Variants in SEMA3A observed in about 807,000 individuals in gnomAD.
SEMA3A encodes semaphorin-3A.
Under a neutral mutation model 97.9 loss-of-function variants are expected in SEMA3A, and 29 were observed. The ratio of observed to expected loss-of-function variants is 0.30; its 90% CI spans 0.22 to 0.40. SEMA3A has a LOEUF of 0.40. Among genes scored for constraint, SEMA3A ranks in the 10% least tolerant of loss-of-function variants. The pLI, the probability that SEMA3A is intolerant of heterozygous loss-of-function variation, is 1.00. For missense variants in SEMA3A, 763 were observed against 951.3 expected (o/e 0.80, Z 2.60); for synonymous variants, 321 against 323.7 (o/e 0.99, Z 0.09).
At chr7:84,113,237 G>C (rs1229982851) in intron 3 of SEMA3A, among the ~76,000 whole-genome samples, 1 of 152,196 alleles carries the variant, frequency 6.6e-6, no homozygotes, top group Non-Finnish European at 1.5e-5. Flanking sequence ...AAAAGAACTG[G>C]ACAGAGAAGA....
intron 4 of SEMA3A, among the ~76,000 whole-genome samples, chr7:84,078,240 T>C (rs951895192): frequency 6.6e-6 from 1 of 152,060 alleles, no homozygotes; most frequent in Non-Finnish European, 1.5e-5. Flanking sequence ...ATGGAGTGAA[T>C]CTAGCCCAGA....
At chr7:83,981,241 AT>A in intron 14 of SEMA3A, 79 bp downstream of exon 14, 1 of 1,488,614 alleles carries the variant, frequency 6.7e-7, no homozygotes, top group Non-Finnish European at 9.2e-7. Flanking sequence ...TGATGCACTT[AT>A]TTGAAGAAAG....
chr7:84,046,330 G>A lies in SEMA3A; in HGVS notation c.661C>T (p.Leu221Phe). Reference sequence around the variant, plus strand: ...TCTTTCATAAACCACCTACCATTGAGCCACCTGGAATCATGCTGCTCTGTC... The same window carrying A: ...TCTTTCATAAACCACCTACCATTGAACCACCTGGAATCATGCTGCTCTGTC... ...IRTEQHDSRW[L>F]NDPKFISAHL... The change falls in exon 6 of 17, where the codon CTC becomes TTC. Residue 221 changes from leucine to phenylalanine, a missense_variant. Leu to Phe is a conservative substitution (Grantham distance 22, BLOSUM62 0). This residue lies in a region of SEMA3A where 678 missense variants were observed against 881.3 expected (regional missense o/e 0.77). Coordinates refer to ENST00000265362, the MANE Select transcript of SEMA3A (RefSeq NM_006080.3). 6.2e-7 allele frequency: 1 copy of A among 1,612,830 alleles called. No homozygotes were observed. Among genetic ancestry groups the A allele is most frequent in the South Asian group, 1.1e-5 (1 of 91,022 alleles).
chr7:84,001,814 G>A (rs1039195409), intron 12 of SEMA3A, 141 bp downstream of exon 12: 1 of 453,932 alleles, frequency 2.2e-6, no homozygotes, highest in African/African-American at 2.0e-5. Flanking sequence ...ATTTTGACTA[G>A]TGTCTGGCTT....
chr7:84,030,784 T>C (rs926965852), intron 6 of SEMA3A, among the ~76,000 whole-genome samples: 3 of 152,162 alleles, frequency 2.0e-5, no homozygotes, highest in African/African-American at 4.8e-5. Flanking sequence ...CTTCTTCTCC[T>C]AGCTAACATA....
At chr7:84,362,817 A>G (rs1266997939) in intron 2 of SEMA3A, among the ~76,000 whole-genome samples, 6 of 152,020 alleles carry the variant, frequency 3.9e-5, no homozygotes, top group Non-Finnish European at 7.4e-5. Context: ...TAATAAACAC[A>G]AAGTAATTGT....
intron 1 of SEMA3A, among the ~76,000 whole-genome samples, chr7:84,151,517 A>C (rs1796670793): frequency 1.3e-5 from 2 of 151,996 alleles, no homozygotes; most frequent in Non-Finnish European, 2.9e-5. Flanking sequence ...GAATGAAATG[A>C]AGCGAGAAGG....
chr7:84,214,271 T>G (rs931223104), intron 3 of SEMA3A, among the ~76,000 whole-genome samples: 3 of 152,186 alleles, frequency 2.0e-5, no homozygotes, highest in African/African-American at 4.8e-5. Flanking sequence ...AAAGCTCCTA[T>G]TGCATTTTTT....
upstream of SEMA3A, chr7:84,194,797 A>C (rs1490321638): frequency 1.7e-3 from 187 of 108,020 alleles, no homozygotes; most frequent in East Asian, 9.1e-3. Flanking sequence ...CTCCAAAAAG[A>C]AAAAAAAAAA....
chr7:84,340,210 AT>A (rs1271555060), intron 2 of SEMA3A, among the ~76,000 whole-genome samples: 1 of 152,174 alleles, frequency 6.6e-6, no homozygotes, highest in Non-Finnish European at 1.5e-5. Flanking sequence ...TTAAGAGGAA[AT>A]TTGAGAAGGT....
chr7:84,233,864 C>T (rs1799172191), intron 3 of SEMA3A, among the ~76,000 whole-genome samples: 1 of 151,854 alleles, frequency 6.6e-6, no homozygotes, highest in African/African-American at 2.4e-5. Context: ...AAGCGTAGAG[C>T]CCTGGTAGAA....
chr7:84,083,597 A>T (rs1794234627), intron 4 of SEMA3A, among the ~76,000 whole-genome samples: 1 of 151,944 alleles, frequency 6.6e-6, no homozygotes, highest in African/African-American at 2.4e-5. Context: ...TTCCCTCTTC[A>T]TATCTACCTC....
intron 1 of SEMA3A, among the ~76,000 whole-genome samples, chr7:84,490,834 G>A (rs998045011): frequency 6.6e-6 from 1 of 152,218 alleles, no homozygotes; most frequent in Non-Finnish European, 1.5e-5. Context: ...TCATTGACAC[G>A]GTTACGGCAT....
rs1435261429 is a variant in SEMA3A at position 84,341,647 on chromosome 7, A to G, written c.-169+30177T>C. Among the ~76,000 whole-genome samples, 7 of 152,120 alleles carry G rather than the reference A, an allele frequency of 4.6e-5. No individual in the cohort carries two copies. The East Asian group carries it at 9.6e-4, about 21-fold the overall frequency. The stretch of plus-strand genomic sequence containing the variant: ...CTCTACTTCTGCCCGAACAGTATCT[A>G]TCTAAGCCTTCAGCCTTCGTCATCT... On this transcript the variant is annotated intron_variant, in intron 2 of 3. Transcript: ENST00000424555.
intron 12 of SEMA3A, among the ~76,000 whole-genome samples, chr7:84,001,529 G>T (rs1790451643): frequency 1.3e-5 from 2 of 151,962 alleles, no homozygotes. Context: ...TCATACGTAA[G>T]CTAAAAATTG....
exon 1 of SEMA3A, chr7:84,492,575 T>C (rs1806761583): frequency 6.6e-6 from 1 of 152,114 alleles, no homozygotes; most frequent in African/African-American, 2.4e-5. Context: ...CATGTTCACT[T>C]TGTAACTGTA....
chr7:84,045,304 T>TA (rs1384132869), intron 6 of SEMA3A, among the ~76,000 whole-genome samples: 3 of 151,944 alleles, frequency 2.0e-5, no homozygotes, highest in Non-Finnish European at 4.4e-5. Flanking sequence ...ATGAATTATG[T>TA]AAAACCAGGA....
intron 3 of SEMA3A, among the ~76,000 whole-genome samples, chr7:84,286,699 A>C (rs1800598302): frequency 6.6e-6 from 1 of 152,122 alleles, no homozygotes; most frequent in South Asian, 2.1e-4. Context: ...AAGGTAGTCC[A>C]CTTTCCCCAC....
intron 1 of SEMA3A, among the ~76,000 whole-genome samples, chr7:84,141,139 C>G (rs1043533256): frequency 8.5e-5 from 13 of 152,130 alleles, no homozygotes; most frequent in African/African-American, 3.1e-4. Flanking sequence ...TGCATCTTGT[C>G]ATTGCGTAGA....
Sources: allele counts gnomAD v4.1 joint callset (sites outside exome capture counted in the v4.1 genomes callset), GRCh38; gene constraint gnomAD v4.1.1; regional missense constraint gnomAD v4.1.1; transcripts MANE v1.5; gene names NCBI Gene and HGNC (gene_info 2026-07-23, HGNC 2026-07-21).